DLC1: variants seen among roughly 807,000 people sequenced by gnomAD.
DLC1 encodes DLC1 Rho GTPase activating protein, also known as rho GTPase-activating protein 7.
Under a neutral mutation model 140.3 loss-of-function variants are expected in DLC1, and 54 were observed. The ratio of observed to expected loss-of-function variants is 0.38; its 90% CI spans 0.31 to 0.48. DLC1 has a LOEUF of 0.48. Among genes scored for constraint, DLC1 ranks in the 20% least tolerant of loss-of-function variants. The pLI, the probability that DLC1 is intolerant of heterozygous loss-of-function variation, is 0.96. For synonymous variants in DLC1, 986 were observed against 728.1 expected, an observed-to-expected ratio of 1.35 and a Z score of -5.70; for missense variants, 2,536 against 1,907.0, an observed-to-expected ratio of 1.33 and a Z score of -6.14.
intron 1 of DLC1, among the ~76,000 whole-genome samples, chr8:13,551,976 T>G (rs1484011538): frequency 1.4e-5 from 2 of 146,220 alleles, no homozygotes; most frequent in Non-Finnish European, 3.0e-5. Context: ...TGTATATGTG[T>G]GTGTGTGTAT....
chr8:13,541,084 G>A (rs1803467652), intron 1 of DLC1, among the ~76,000 whole-genome samples: 1 of 152,178 alleles, frequency 6.6e-6, no homozygotes, highest in South Asian at 2.1e-4. Flanking sequence ...CCAATTTTAA[G>A]TGTACAATCT....
chr8:13,084,609 GA>G lies in DLC1; in HGVS notation c.*1201del, dbSNP rs34605265. On this transcript the variant is annotated 3_prime_UTR_variant, in exon 18 of 18. Coordinates refer to ENST00000276297, the MANE Select transcript of DLC1 (RefSeq NM_182643.3). ...AATATATTTCCAGGGCATTCTAAAG[GA>G]AAAAAAAAAAAAAAGAAATGTAGGA... 0.56 allele frequency: 70,633 copies of G among 125,612 alleles called. 18,759 individuals are homozygous for G. Among genetic ancestry groups the G allele is most frequent in the African/African-American group, 0.74 (27,051 of 36,588 alleles). 7.8% of individuals were successfully genotyped at this position (125,612 alleles called of 1,614,324 possible). A position where few individuals can be genotyped will look rare whatever the true frequency, so the allele number is the denominator to read the frequency against.
At chr8:13,304,625 C>A (rs993594372) in intron 5 of DLC1, 34 of 885,718 alleles carry the variant, frequency 3.8e-5, no homozygotes, top group Non-Finnish European at 4.6e-5. Context: ...AGATAATATA[C>A]CTTTAATCTG....
chr8:13,531,105 G>A (rs1012184872), intron 1 of DLC1, among the ~76,000 whole-genome samples: 2 of 152,136 alleles, frequency 1.3e-5, no homozygotes, highest in African/African-American at 4.8e-5. Context: ...GAAGGTGGCA[G>A]CCTAGAACTC....
chr8:13,308,660 A>T (rs1832552791), intron 4 of DLC1, among the ~76,000 whole-genome samples: 1 of 152,212 alleles, frequency 6.6e-6, no homozygotes, highest in South Asian at 2.1e-4. Flanking sequence ...TCTTTGTGGA[A>T]TTCACAATGT....
chr8:13,489,160 C>T (rs762082740), intron 2 of DLC1, among the ~76,000 whole-genome samples: 18 of 151,800 alleles, frequency 1.2e-4, no homozygotes, highest in Non-Finnish European at 2.1e-4. Flanking sequence ...TTGGTCAGAC[C>T]GGTGTCGAAC....
intron 12 of DLC1, among the ~76,000 whole-genome samples, chr8:13,093,302 A>G (rs1818240103): frequency 6.6e-6 from 1 of 152,154 alleles, no homozygotes; most frequent in Admixed American, 6.5e-5. Flanking sequence ...ATCTCTGGAG[A>G]TTTGCATGAG....
intron 1 of DLC1, among the ~76,000 whole-genome samples, chr8:13,575,546 A>G (rs762350724): frequency 1.6e-4 from 25 of 152,184 alleles, no homozygotes; most frequent in South Asian, 6.2e-4. Flanking sequence ...TAGCACAGAT[A>G]TGGGGCAGAA....
chr8:13,425,487 G>A (rs922891293), intron 2 of DLC1, among the ~76,000 whole-genome samples: 5 of 152,146 alleles, frequency 3.3e-5, no homozygotes, highest in African/African-American at 7.2e-5. Flanking sequence ...ACTAATATAT[G>A]GTGATAGAAT....
At chr8:13,355,076 TA>T (rs1401006893) in intron 4 of DLC1, among the ~76,000 whole-genome samples, 2 of 151,694 alleles carry the variant, frequency 1.3e-5, no homozygotes, top group Admixed American at 1.3e-4. Context: ...CACTATCAAT[TA>T]AAAAATACAT....
intron 5 of DLC1, among the ~76,000 whole-genome samples, chr8:13,193,118 T>G (rs1226606439): frequency 2.6e-5 from 4 of 152,196 alleles, no homozygotes; most frequent in African/African-American, 9.6e-5. Flanking sequence ...GTCTTCCTTA[T>G]GGAGAGACCT....
chr8:13,188,823 A>T (rs1327005402), intron 5 of DLC1, among the ~76,000 whole-genome samples: 2 of 38,990 alleles, frequency 5.1e-5, no homozygotes, highest in Non-Finnish European at 9.8e-5. Flanking sequence ...ATATATATAT[A>T]TATGTATATA....
At chr8:13,414,624 C>T (rs1170774729) in intron 2 of DLC1, among the ~76,000 whole-genome samples, 1 of 152,040 alleles carries the variant, frequency 6.6e-6, no homozygotes, top group African/African-American at 2.4e-5. Context: ...TAAGAAGTGA[C>T]ATAATGGGAC....
intron 1 of DLC1, among the ~76,000 whole-genome samples, chr8:13,509,564 T>C (rs1270113378): frequency 5.3e-5 from 8 of 152,236 alleles, no homozygotes; most frequent in Admixed American, 3.9e-4. Context: ...ATGATAATTA[T>C]AGTAAAAACA....
rs368184876 is a variant in DLC1, at chr8:13,122,428, G to C, written c.1349-6771C>G. Among the ~76,000 whole-genome samples the C allele has an allele frequency of 3.3e-5, 5 of 152,032 alleles. No individual in the cohort carries two copies. In the East Asian group the frequency reaches 7.7e-4, roughly 24 times the overall value. The stretch of plus-strand genomic sequence containing the variant: ...CAACTTCTCACTTTTTAATTCATTT[G>C]TATATCCCGAAAGACAACTTTTTGC... On this transcript the variant is annotated intron_variant, in intron 5 of 17. Coordinates refer to ENST00000276297, the MANE Select transcript of DLC1 (RefSeq NM_182643.3).
chr8:13,308,220 T>C (rs10091996), intron 4 of DLC1, among the ~76,000 whole-genome samples: 52,410 of 152,134 alleles, frequency 0.34, 9,415 homozygotes, highest in Middle Eastern at 0.41. Context: ...ATGGCCAATG[T>C]CCATATTTCA....
At position 13,537,951 on chromosome 8, in the gene DLC1, G is replaced by A. The variant is rs572076284; in HGVS notation, c.-125-37755C>T. ...TTACAGGCGTGAGCCACCGCACCCG[G>A]CCAGCAACAGCTAACTCTTGAGAGG... On this transcript the variant is annotated intron_variant, in intron 1 of 1. Coordinates refer to the DLC1 transcript ENST00000631382. Among the ~76,000 whole-genome samples the A allele has an allele frequency of 2.6e-4, 39 of 152,164 alleles. 1 individual carries two copies. The highest frequency in any genetic ancestry group is 9.4e-4 in the African/African-American group (39 of 41,512).
intron 5 of DLC1, chr8:13,276,191 C>T: frequency 6.6e-7 from 1 of 1,517,272 alleles, no homozygotes; most frequent in Non-Finnish European, 8.8e-7. Context: ...CTTATCACTG[C>T]GTCTTCGCAG....
chr8:13,579,788 C>T (rs1474844171), intron 1 of DLC1, among the ~76,000 whole-genome samples: 1 of 151,628 alleles, frequency 6.6e-6, no homozygotes, highest in Non-Finnish European at 1.5e-5. Context: ...AGTGAGCCCA[C>T]TGCTTTTAGA....
Sources: allele counts gnomAD v4.1 joint callset (sites outside exome capture counted in the v4.1 genomes callset), GRCh38; gene constraint gnomAD v4.1.1; transcripts MANE v1.5; gene names NCBI Gene and HGNC (gene_info 2026-07-23, HGNC 2026-07-21).